The following NTAN1 variants were observed in gnomAD, a reference collection of about 807,000 sequenced individuals.
NTAN1 encodes the protein protein N-terminal asparagine amidohydrolase.
A neutral mutation model predicts 41.9 loss-of-function variants in NTAN1; 32 were observed. The ratio of observed to expected loss-of-function variants is 0.76; its 90% CI spans 0.58 to 1.03. The LOEUF (loss-of-function observed/expected upper bound fraction) is 1.03, where lower values mean the gene tolerates loss of function less well. Among genes scored for constraint, NTAN1 ranks in the 50% least tolerant of loss-of-function variants. NTAN1 has a pLI of 0.00. For missense variants in NTAN1, 377 were observed against 377.5 expected (o/e 1.00, Z 0.01); for synonymous variants, 140 against 139.5 (o/e 1.00, Z -0.03).
intron 1 of NTAN1, among the ~76,000 whole-genome samples, chr16:15,049,504 C>T (rs1308474860): frequency 1.3e-5 from 2 of 152,068 alleles, no homozygotes; most frequent in Non-Finnish European, 2.9e-5. Context: ...TCTCAGTTCA[C>T]TGCAATCTCC....
intron 3 of NTAN1, 90 bp from the exon 4 acceptor site, chr16:15,047,640 C>T: frequency 9.7e-7 from 1 of 1,036,138 alleles, no homozygotes; most frequent in Non-Finnish European, 1.5e-6. Context: ...CGGACCGCCT[C>T]ATCTTTGAAT....
At chr16:15,050,506 G>C (rs1378201942) in intron 1 of NTAN1, among the ~76,000 whole-genome samples, 1 of 152,186 alleles carries the variant, frequency 6.6e-6, no homozygotes, top group Non-Finnish European at 1.5e-5. Flanking sequence ...GCTGAGGAGG[G>C]AGGACTGCTT....
At chr16:15,054,911 A>C (rs2044442159) in intron 1 of NTAN1, among the ~76,000 whole-genome samples, 1 of 152,122 alleles carries the variant, frequency 6.6e-6, no homozygotes, top group African/African-American at 2.4e-5. Flanking sequence ...TCCCCAACCC[A>C]ACACACTTGG....
Position 15,048,114 on chromosome 16 carries a change from A to T in NTAN1, c.82-15T>A. 1 of 1,523,832 alleles carries T rather than the reference A, an allele frequency of 6.6e-7. No homozygotes were observed. The highest frequency in any genetic ancestry group is 9.0e-7 in the Non-Finnish European group (1 of 1,113,302). 94.4% of individuals were successfully genotyped at this position (1,523,832 alleles called of 1,614,324 possible). A position where few individuals can be genotyped will look rare whatever the true frequency, so the allele number is the denominator to read the frequency against. On this transcript the variant is annotated splice_polypyrimidine_tract_variant and intron_variant, in intron 1 of 9. Coordinates refer to ENST00000287706, the MANE Select transcript of NTAN1 (RefSeq NM_173474.4). ...CTGGCTCTTTCCTGTTTAATTAAAA[A>T]AAAAATAAAATAGTGATGTAAATTA...
chr16:15,049,787 C>A (rs541243182), intron 1 of NTAN1, among the ~76,000 whole-genome samples: 91 of 152,186 alleles, frequency 6.0e-4, no homozygotes, highest in Admixed American at 1.4e-3. Context: ...GTAAATTGGG[C>A]ACAGAACCAA....
chr16:15,051,831 G>A (rs1425045978), intron 1 of NTAN1, among the ~76,000 whole-genome samples: 1 of 151,472 alleles, frequency 6.6e-6, no homozygotes, highest in Non-Finnish European at 1.5e-5. Flanking sequence ...CTCCTTTGCA[G>A]TAGCTGGAAC....
chr16:15,051,199 G>A (rs564983409), intron 1 of NTAN1, among the ~76,000 whole-genome samples: 13 of 152,230 alleles, frequency 8.5e-5, no homozygotes, highest in Non-Finnish European at 1.8e-4. Context: ...CCACTCAAAA[G>A]CAAAGCTATT....
chr16:15,048,832 C>T (rs1158108088), intron 1 of NTAN1, among the ~76,000 whole-genome samples: 3 of 151,262 alleles, frequency 2.0e-5, no homozygotes, highest in African/African-American at 7.3e-5. Flanking sequence ...CTATGCTCCC[C>T]AGGCTGGTCT....
chr16:15,039,840 G>C (rs2043728874), intron 8 of NTAN1, 129 bp downstream of exon 8: 2 of 664,632 alleles, frequency 3.0e-6, no homozygotes, highest in South Asian at 3.5e-5. Flanking sequence ...TGTATGTGCT[G>C]GTCCCTGATA....
chr16:15,046,692 T>C lies in NTAN1; in HGVS notation c.359+750A>G, dbSNP rs1232274529. On this transcript the variant is annotated intron_variant, in intron 4 of 9. Transcript: ENST00000287706. ...CTGGGCAACTTGGCAAAACCCTGTC[T>C]CTACCAAAAAAAAAAAAAAAAAAAA... Among the ~76,000 whole-genome samples the C allele has an allele frequency of 2.3e-3, 236 of 104,464 alleles. 3 individuals carry two copies. The highest frequency in any genetic ancestry group is 8.0e-3 in the African/African-American group (216 of 27,044). The allele number at this position is 104,464 out of a possible 152,430, so 68.5% of individuals were successfully genotyped here.
At chr16:15,042,181 A>T (rs1405259629) in intron 5 of NTAN1, among the ~76,000 whole-genome samples, 1 of 143,786 alleles carries the variant, frequency 7.0e-6, no homozygotes, top group Admixed American at 7.6e-5. Flanking sequence ...AGACAATTTT[A>T]TATCTTTTTT....
chr16:15,044,245 GT>G, intron 5 of NTAN1, 88 bp downstream of exon 5: 1 of 875,332 alleles, frequency 1.1e-6, no homozygotes, highest in South Asian at 1.4e-5. Flanking sequence ...CCCTTCTTGG[GT>G]TTTGTACCAA....
chr16:15,041,826 T>C (rs1271936459), intron 5 of NTAN1, 150 bp from the exon 6 acceptor site: 1 of 687,996 alleles, frequency 1.5e-6, no homozygotes, highest in Non-Finnish European at 2.7e-6. Flanking sequence ...GCCTGGCCTA[T>C]GGGGCCAGAC....
Position 15,044,334 on chromosome 16 carries a change from T to G in NTAN1, c.433A>C (p.Ser145Arg), listed in dbSNP as rs1374020317. 4 of 1,602,138 alleles carry G rather than the reference T, an allele frequency of 2.5e-6. No individual in the cohort carries two copies. Among genetic ancestry groups the G allele is most frequent in the Non-Finnish European group, 3.4e-6 (4 of 1,169,394 alleles). The change falls in exon 5 of 10, where the codon AGT becomes CGT. Residue 145 changes from serine to arginine, a missense_variant and splice_region_variant. By Grantham distance (110) the Ser-to-Arg change is moderately radical. Transcript: ENST00000287706. ...LSQKLTHQLLSEFDRQEDDIH... is the reference protein window; with the variant it reads ...LSQKLTHQLLREFDRQEDDIH... Reference sequence around the variant, plus strand: ...GGAAAGAAAAAAAAAATGAACTTACTAAGAAGTTGATGAGTGAGTTTTTGT... The same window carrying G: ...GGAAAGAAAAAAAAAATGAACTTACGAAGAAGTTGATGAGTGAGTTTTTGT...
At position 15,044,416 on chromosome 16, in the gene NTAN1, G is replaced by C; in HGVS notation, c.360-9C>G. The stretch of plus-strand genomic sequence containing the variant: ...CAAGGTGTACTTCCAGCCTGGCAAA[G>C]AGATGAGACGGGTCAGAGGCCAGAA... On this transcript the variant is annotated splice_polypyrimidine_tract_variant and intron_variant, in intron 4 of 9. Transcript: ENST00000287706. 6.2e-7 allele frequency: 1 copy of C among 1,605,994 alleles called. No homozygotes were observed. Among genetic ancestry groups the C allele is most frequent in the South Asian group, 1.1e-5 (1 of 90,926 alleles).
chr16:15,038,521 T>TG, intron 9 of NTAN1, 53 bp downstream of exon 9: 1 of 1,018,484 alleles, frequency 9.8e-7, no homozygotes, highest in South Asian at 1.4e-5. Flanking sequence ...TTCTTACAGA[T>TG]GGGGAAACCA....
In NTAN1 at chr16:15,039,992, C is replaced by G; in HGVS notation, c.616G>C (p.Ala206Pro). 6.2e-7 allele frequency: 1 copy of G among 1,607,812 alleles called. No individual in the cohort carries two copies. Among genetic ancestry groups the G allele is most frequent in the Non-Finnish European group, 8.5e-7 (1 of 1,175,000 alleles). The change falls in exon 8 of 10, where the codon GCG becomes CCG. Residue 206 changes from alanine (A) to proline (P), a missense_variant. Physicochemically the swap from Ala to Pro is conservative, Grantham distance 27. Coordinates refer to ENST00000287706, the MANE Select transcript of NTAN1 (RefSeq NM_173474.4). ...DRGPEEQLRA[A>P]RTLAGGPMIS... is the part of the protein sequence containing the mutation. ...ACTGGTCCTCCTGCTAAAGTTCGCG[C>G]AGCACGAAGCTGCTCCTCCGGACCC... is the stretch of plus-strand genomic sequence containing the variant.
At position 15,041,609 on chromosome 16, in the gene NTAN1, A is replaced by T. The variant is rs1239304062; in HGVS notation, c.487+14T>A. ...GACCCACATCTTTGCTTTGGGGCAA[A>T]TGGCAGGACTTACCTGTCACACATA... is the stretch of plus-strand genomic sequence containing the variant. On this transcript the variant is annotated intron_variant, in intron 6 of 9. Transcript: ENST00000287706. The T allele has an allele frequency of 1.9e-6, 3 of 1,600,096 alleles. No homozygotes were observed. The highest frequency in any genetic ancestry group is 2.6e-6 in the Non-Finnish European group (3 of 1,167,274).
At chr16:15,038,510 T>A in intron 9 of NTAN1, 64 bp downstream of exon 9, 3 of 963,658 alleles carry the variant, frequency 3.1e-6, no homozygotes. Flanking sequence ...AAACCCTTTT[T>A]TTCTTACAGA....
Sources: gnomAD v4.1 joint callset for allele counts (sites outside exome capture counted in the v4.1 genomes callset) on GRCh38, gnomAD v4.1.1 for gene constraint, MANE v1.5 for transcripts, NCBI Gene and HGNC (gene_info 2026-07-23, HGNC 2026-07-21) for gene names.